Variants in TMEM127 observed in about 807,000 individuals in gnomAD.
TMEM127 encodes the protein transmembrane protein 127.
Under a neutral mutation model 20.1 loss-of-function variants are expected in TMEM127, and 21 were observed. The observed-to-expected ratio is 1.04, with a 90% CI of 0.74 to 1.50. The LOEUF is 1.50. TMEM127 is among the 40% of genes most tolerant of loss of function. The pLI is 0.00. For synonymous variants in TMEM127, 150 were observed against 144.7 expected (o/e 1.04, Z -0.26); for missense variants, 303 against 317.4 (o/e 0.95, Z 0.34).
chr2:96,263,815 G>A (rs188240056), intron 2 of TMEM127, among the ~76,000 whole-genome samples: 3 of 152,234 alleles, frequency 2.0e-5, no homozygotes, highest in East Asian at 1.9e-4. Flanking sequence ...GGGTCTAGTG[G>A]TGGGAAGGTG....
At chr2:96,260,197 G>T (rs1287791876) in intron 2 of TMEM127, among the ~76,000 whole-genome samples, 1 of 152,204 alleles carries the variant, frequency 6.6e-6, no homozygotes, top group Non-Finnish European at 1.5e-5. Flanking sequence ...TCCTCAGAGG[G>T]TCTCAGAGCA....
At position 96,250,323 on chromosome 2, in the gene TMEM127, C is replaced by T. The variant is rs562386356; in HGVS notation, c.*3485G>A. On this transcript the variant is annotated 3_prime_UTR_variant, in exon 4 of 4. Coordinates refer to ENST00000258439, the MANE Select transcript of TMEM127 (RefSeq NM_017849.4). ...GTGTCCCTATCCCAGTTCACTCCCA[C>T]ATCAAGTGTGGCTCAAGCTGCGTCC... 1 of 232,900 alleles carries T rather than the reference C, an allele frequency of 4.3e-6. No homozygotes were observed. The highest frequency in any genetic ancestry group is 6.1e-5 in the East Asian group (1 of 16,514). The allele number at this position is 232,900 out of a possible 1,614,324, so 14.4% of individuals were successfully genotyped here. A position where few individuals can be genotyped will look rare whatever the true frequency, so the allele number is the denominator to read the frequency against.
intron 2 of TMEM127, among the ~76,000 whole-genome samples, chr2:96,261,478 T>C (rs927746922): frequency 6.6e-6 from 1 of 152,162 alleles, no homozygotes; most frequent in African/African-American, 2.4e-5. Context: ...CCAGCTTTCA[T>C]TGGCTAAAGC....
In TMEM127 at chr2:96,251,178, G is replaced by A. The variant is rs1351830131; in HGVS notation, c.*2630C>T. Reference sequence around the variant, plus strand: ...ATTAGGAAGCTCTGGGGGTGAAAATGCCATGCACGGAGCTGGCCCATGCCA... The same window carrying A: ...ATTAGGAAGCTCTGGGGGTGAAAATACCATGCACGGAGCTGGCCCATGCCA... On this transcript the variant is annotated 3_prime_UTR_variant, in exon 4 of 4. Transcript: ENST00000258439. The A allele has an allele frequency of 1.8e-5, 4 of 216,396 alleles. No individual in the cohort carries two copies. Among genetic ancestry groups the A allele is most frequent in the Non-Finnish European group, 3.7e-5 (4 of 107,394 alleles). The allele number at this position is 216,396 out of a possible 1,614,324, so 13.4% of individuals were successfully genotyped here.
At chr2:96,257,694 G>A (rs917120522) in intron 2 of TMEM127, among the ~76,000 whole-genome samples, 12 of 151,982 alleles carry the variant, frequency 7.9e-5, no homozygotes, top group African/African-American at 1.9e-4. Flanking sequence ...TGGGTGGATC[G>A]CCTGAGGTCA....
Position 96,250,768 on chromosome 2 carries a change from T to C in TMEM127, c.*3040A>G. ...GGCCTGGCACTGCCCTACAGGAGGC[T>C]TACAGGTCACACTCCCAGAACTGTC... On this transcript the variant is annotated 3_prime_UTR_variant, in exon 4 of 4. Coordinates refer to ENST00000258439, the MANE Select transcript of TMEM127 (RefSeq NM_017849.4). The C allele has an allele frequency of 4.3e-6, 1 of 232,836 alleles. No homozygotes were observed. The highest frequency in any genetic ancestry group is 6.0e-5 in the East Asian group (1 of 16,542). 14.4% of individuals were successfully genotyped at this position (232,836 alleles called of 1,614,324 possible). A position where few individuals can be genotyped will look rare whatever the true frequency, so the allele number is the denominator to read the frequency against.
chr2:96,252,956 A>G lies in TMEM127; in HGVS notation c.*852T>C, dbSNP rs1043221645. The G allele has an allele frequency of 4.3e-6, 1 of 233,260 alleles. No individual in the cohort carries two copies. Among genetic ancestry groups the G allele is most frequent in the African/African-American group, 2.2e-5 (1 of 45,356 alleles). 14.4% of individuals were successfully genotyped at this position (233,260 alleles called of 1,614,324 possible). A position where few individuals can be genotyped will look rare whatever the true frequency, so the allele number is the denominator to read the frequency against. Reference sequence around the variant, plus strand: ...AAGGAGCTACAGCCCCAAATATTGCAGAGCCAAAAGGAATGGGATACATGT... The same window carrying G: ...AAGGAGCTACAGCCCCAAATATTGCGGAGCCAAAAGGAATGGGATACATGT... On this transcript the variant is annotated 3_prime_UTR_variant, in exon 4 of 4. Coordinates refer to ENST00000258439, the MANE Select transcript of TMEM127 (RefSeq NM_017849.4). This position sits in a 1 kb window ranked among gnomAD's most constrained non-coding sequence, Gnocchi z 4.2.
In TMEM127 at chr2:96,253,735, G is replaced by A. The variant is rs1684138289; in HGVS notation, c.*73C>T. On this transcript the variant is annotated 3_prime_UTR_variant, in exon 4 of 4. Transcript: ENST00000258439. The surrounding 1 kb of genome is among the most constrained non-coding windows in gnomAD (Gnocchi z 4.3). ...TACCAGTGAGGCCTGCTGGGGAAAGGAGCTCCTCTGGGTGCGAGAGGAGCT... is the reference window on the plus strand; with the variant it reads ...TACCAGTGAGGCCTGCTGGGGAAAGAAGCTCCTCTGGGTGCGAGAGGAGCT... The A allele has an allele frequency of 6.7e-7, 1 of 1,499,146 alleles. No homozygotes were observed. The highest frequency in any genetic ancestry group is 9.0e-7 in the Non-Finnish European group (1 of 1,105,782). The allele number at this position is 1,499,146 out of a possible 1,614,324, so 92.9% of individuals were successfully genotyped here.
At chr2:96,261,527 G>A (rs1217497642) in intron 2 of TMEM127, among the ~76,000 whole-genome samples, 2 of 152,214 alleles carry the variant, frequency 1.3e-5, no homozygotes, top group Non-Finnish European at 2.9e-5. Context: ...GAGTGGCTTT[G>A]CCCTGGGATC....
At position 96,253,421 on chromosome 2, in the gene TMEM127, C is replaced by G; in HGVS notation, c.*387G>C. The G allele has an allele frequency of 3.3e-6, 1 of 300,702 alleles. No homozygotes were observed. The highest frequency in any genetic ancestry group is 6.3e-6 in the Non-Finnish European group (1 of 158,494). 18.6% of individuals were successfully genotyped at this position (300,702 alleles called of 1,614,324 possible). Reference sequence around the variant, plus strand: ...CCCTGTGAAGTGAGCCTCCAGGGCACAGTCCCCTTTCCCTTGGGCCCTTTG... The same window carrying G: ...CCCTGTGAAGTGAGCCTCCAGGGCAGAGTCCCCTTTCCCTTGGGCCCTTTG... On this transcript the variant is annotated 3_prime_UTR_variant, in exon 4 of 4. Transcript: ENST00000258439. The surrounding 1 kb of genome is among the most constrained non-coding windows in gnomAD (Gnocchi z 4.3).
At chr2:96,259,198 C>G (rs1180758053) in intron 2 of TMEM127, among the ~76,000 whole-genome samples, 1 of 152,244 alleles carries the variant, frequency 6.6e-6, no homozygotes, top group Non-Finnish European at 1.5e-5. Context: ...CCTGGAACAG[C>G]CTGTGCACAC....
At chr2:96,262,869 G>A (rs1684336832) in intron 2 of TMEM127, among the ~76,000 whole-genome samples, 1 of 152,024 alleles carries the variant, frequency 6.6e-6, no homozygotes, top group Non-Finnish European at 1.5e-5. Context: ...AGTTGAGATG[G>A]GGTTTCACCA....
rs1684400739 is a variant in TMEM127 at position 96,265,434 on chromosome 2, C to T, written c.-53G>A. The T allele has an allele frequency of 9.1e-6, 12 of 1,311,712 alleles. No individual in the cohort carries two copies. Among genetic ancestry groups the T allele is most frequent in the Non-Finnish European group, 1.2e-5 (12 of 1,037,444 alleles). 81.3% of individuals were successfully genotyped at this position (1,311,712 alleles called of 1,614,324 possible). ...AGTCGCTGCTGGTCGCCGCCGACCT[C>T]CGCGGGGCGCGCAGAGCCTGACAGT... is the stretch of plus-strand genomic sequence containing the variant. On this transcript the variant is annotated 5_prime_UTR_variant, in exon 2 of 4. Coordinates refer to ENST00000258439, the MANE Select transcript of TMEM127 (RefSeq NM_017849.4).
chr2:96,255,081 C>T, intron 2 of TMEM127, 84 bp from the exon 3 acceptor site: 1 of 1,560,188 alleles, frequency 6.4e-7, no homozygotes, highest in Non-Finnish European at 8.7e-7. Context: ...TGATTCCCCT[C>T]CACCACAGTC....
chr2:96,256,676 C>T (rs1016321516), intron 2 of TMEM127, among the ~76,000 whole-genome samples: 6 of 151,594 alleles, frequency 4.0e-5, no homozygotes, highest in African/African-American at 1.2e-4. Flanking sequence ...AAGGAAGTTG[C>T]GGCAGTTTAG....
rs1684086171 is a variant in TMEM127 at position 96,251,468 on chromosome 2, T to C, written c.*2340A>G. 1.4e-5 allele frequency: 3 copies of C among 214,134 alleles called. No homozygotes were observed. Among genetic ancestry groups the C allele is most frequent in the African/African-American group, 4.5e-5 (2 of 44,212 alleles). 13.3% of individuals were successfully genotyped at this position (214,134 alleles called of 1,614,324 possible). On this transcript the variant is annotated 3_prime_UTR_variant, in exon 4 of 4. Transcript: ENST00000258439. ...CCAGGAGGCAGAGGTTGCAGTGAGC[T>C]GAGATCATGCCACGTTACACTCCAG...
chr2:96,264,173 G>A (rs1684366322), intron 2 of TMEM127, among the ~76,000 whole-genome samples: 1 of 152,228 alleles, frequency 6.6e-6, no homozygotes, highest in Admixed American at 6.5e-5. Flanking sequence ...GCAGAGTATG[G>A]TCCGATGCAC....
chr2:96,252,561 C>G lies in TMEM127; in HGVS notation c.*1247G>C. The stretch of plus-strand genomic sequence containing the variant: ...AGTACATTCAAGAGGGGAGAGGGCA[C>G]GTGGCAAGCTGGAGTCCCGAGTCAG... On this transcript the variant is annotated 3_prime_UTR_variant, in exon 4 of 4. Transcript: ENST00000258439. This position sits in a 1 kb window ranked among gnomAD's most constrained non-coding sequence, Gnocchi z 4.2. The G allele has an allele frequency of 4.3e-6, 1 of 233,996 alleles. No homozygotes were observed. Among genetic ancestry groups the G allele is most frequent in the Non-Finnish European group, 8.5e-6 (1 of 118,258 alleles). The allele number at this position is 233,996 out of a possible 1,614,324, so 14.5% of individuals were successfully genotyped here.
chr2:96,248,608 A>C lies in TMEM127; in HGVS notation c.*5200T>G, dbSNP rs1684020643. On this transcript the variant is annotated 3_prime_UTR_variant, in exon 4 of 4. Transcript: ENST00000258439. ...TCTCCACCAATAGTGGTGGCACTAG[A>C]CATATACTGAGAGACCCCCAAGAGG... is the stretch of plus-strand genomic sequence containing the variant. The C allele has an allele frequency of 4.5e-6, 1 of 222,188 alleles. No homozygotes were observed. Among genetic ancestry groups the C allele is most frequent in the East Asian group, 6.5e-5 (1 of 15,302 alleles). The allele number at this position is 222,188 out of a possible 1,614,324, so 13.8% of individuals were successfully genotyped here. A position where few individuals can be genotyped will look rare whatever the true frequency, so the allele number is the denominator to read the frequency against.
Sources: allele counts gnomAD v4.1 joint callset (sites outside exome capture counted in the v4.1 genomes callset), GRCh38; gene constraint gnomAD v4.1.1; non-coding constraint Gnocchi (gnomAD v3.1); transcripts MANE v1.5; gene names NCBI Gene and HGNC (gene_info 2026-07-23, HGNC 2026-07-21).